Variants in ELFN1 observed in about 807,000 individuals in gnomAD.
ELFN1 encodes the protein extracellular leucine rich repeat and fibronectin type III domain containing 1.
ELFN1 carries 6 observed loss-of-function variants against 7.6 expected under a neutral mutation model. The observed-to-expected ratio is 0.79, with a 90% CI of 0.43 to 1.56. The LOEUF is 1.56. Ranked by LOEUF, ELFN1 falls within the 40% of genes most tolerant of loss-of-function variation. The pLI is 0.01. For synonymous variants in ELFN1, 657 were observed against 588.1 expected (o/e 1.12, Z -1.70); for missense variants, 1,169 against 1,232.2 (o/e 0.95, Z 0.77).
intron 3 of ELFN1, among the ~76,000 whole-genome samples, chr7:1,738,189 T>A (rs1780504540): frequency 6.6e-6 from 1 of 152,098 alleles, no homozygotes; most frequent in Non-Finnish European, 1.5e-5. Flanking sequence ...CGTGGTCCCA[T>A]GTCCCATGGC....
intron 2 of ELFN1, among the ~76,000 whole-genome samples, chr7:1,703,903 C>T (rs1344898248): frequency 1.3e-5 from 2 of 152,132 alleles, no homozygotes; most frequent in Admixed American, 1.3e-4. Flanking sequence ...TAAGGGCTGT[C>T]GCCGGACTGT....
At chr7:1,669,135 C>T (rs2128571703), upstream of ELFN1, among the ~76,000 whole-genome samples, 1 of 152,388 alleles carries the variant, frequency 6.6e-6, no homozygotes, top group East Asian at 1.9e-4. Context: ...CGGGCTAGGC[C>T]GGTCCATACA....
chr7:1,728,294 C>G (rs1283279241), intron 3 of ELFN1, among the ~76,000 whole-genome samples: 1 of 152,262 alleles, frequency 6.6e-6, no homozygotes, highest in Non-Finnish European at 1.5e-5. Flanking sequence ...CCGGCCTGCA[C>G]CCTTCCCAGA....
At chr7:1,694,116 T>TCCAGCCAGGGTTCC (rs545182865) in intron 2 of ELFN1, 411 of 244,614 alleles carry the variant, frequency 1.7e-3, no homozygotes, top group Middle Eastern at 4.7e-3. Context: ...TTGAAGCAGC[T>TCCAGCCAGGGTTCC]CCAGCCAGGG....
chr7:1,741,252 C>A (rs545030125), intron 3 of ELFN1, among the ~76,000 whole-genome samples: 3 of 152,170 alleles, frequency 2.0e-5, no homozygotes, highest in African/African-American at 7.2e-5. Flanking sequence ...CCTGGCAGGG[C>A]GCTGGCCACA....
At chr7:1,700,321 C>T (rs904382798) in intron 2 of ELFN1, among the ~76,000 whole-genome samples, 6 of 152,210 alleles carry the variant, frequency 3.9e-5, no homozygotes, top group Non-Finnish European at 5.9e-5. Flanking sequence ...AGAATGCTGG[C>T]GGCCCTCAGA....
intron 3 of ELFN1, among the ~76,000 whole-genome samples, chr7:1,725,827 T>A (rs1429817293): frequency 2.0e-5 from 3 of 151,746 alleles, no homozygotes; most frequent in Non-Finnish European, 4.4e-5. Context: ...AAAGTCACAC[T>A]CAGACACACA....
chr7:1,674,646 C>T (rs993238275), intron 1 of ELFN1, among the ~76,000 whole-genome samples: 12 of 152,112 alleles, frequency 7.9e-5, no homozygotes, highest in Admixed American at 1.3e-4. Context: ...CCCCCGCCCT[C>T]GACGTCTGCC....
intron 3 of ELFN1, among the ~76,000 whole-genome samples, chr7:1,715,413 C>T (rs1054565352): frequency 1.3e-5 from 2 of 152,194 alleles, no homozygotes; most frequent in Admixed American, 1.3e-4. Flanking sequence ...GCACCCCCTG[C>T]CTCCATCCTG....
intron 1 of ELFN1, among the ~76,000 whole-genome samples, chr7:1,672,736 C>G (rs528830811): frequency 2.0e-5 from 3 of 152,150 alleles, no homozygotes; most frequent in Non-Finnish European, 4.4e-5. Context: ...CCCTTCCCCC[C>G]CGACAAGCCA....
At chr7:1,744,018 GC>G (rs1780703047) in intron 3 of ELFN1, among the ~76,000 whole-genome samples, 1 of 152,194 alleles carries the variant, frequency 6.6e-6, no homozygotes, top group African/African-American at 2.4e-5. Flanking sequence ...AGCAGGCAGT[GC>G]CCCGTCCATT....
At position 1,744,539 on chromosome 7, in the gene ELFN1, GC is replaced by G. The variant is rs1458475866; in HGVS notation, c.-52del. 4.2e-6 allele frequency: 6 copies of G among 1,433,516 alleles called. No homozygotes were observed. Among genetic ancestry groups the G allele is most frequent in the African/African-American group, 2.9e-5 (2 of 68,270 alleles). The allele number at this position is 1,433,516 out of a possible 1,614,324, so 88.8% of individuals were successfully genotyped here. A position where few individuals can be genotyped will look rare whatever the true frequency, so the allele number is the denominator to read the frequency against. ...CCATCCCTCTGGGGGCTGGCGCCTGGCCCCCCACCTGGTCCCCCTGGGCAGG... is the reference window on the plus strand; with the variant it reads ...CCATCCCTCTGGGGGCTGGCGCCTGGCCCCCACCTGGTCCCCCTGGGCAGG... On this transcript the variant is annotated 5_prime_UTR_variant, in exon 4 of 4. Transcript: ENST00000424383.
At chr7:1,678,169 A>G (rs556551169) in intron 1 of ELFN1, among the ~76,000 whole-genome samples, 1 of 152,102 alleles carries the variant, frequency 6.6e-6, no homozygotes, top group Non-Finnish European at 1.5e-5. Context: ...CACCATGCAC[A>G]GTGTGTGTGC....
chr7:1,702,321 G>A (rs543031545), intron 2 of ELFN1, among the ~76,000 whole-genome samples: 71 of 152,168 alleles, frequency 4.7e-4, no homozygotes, highest in African/African-American at 1.6e-3. Context: ...CTACTTGGGA[G>A]GCTGAGGCAG....
At chr7:1,717,457 G>C (rs897811440) in intron 3 of ELFN1, among the ~76,000 whole-genome samples, 1 of 152,218 alleles carries the variant, frequency 6.6e-6, no homozygotes, top group African/African-American at 2.4e-5. Flanking sequence ...GGTGGAGGTA[G>C]GCAGTGTGTC....
rs1229775528 is a variant in ELFN1 at position 1,744,373 on chromosome 7, G to A, written c.-224G>A. On this transcript the variant is annotated 5_prime_UTR_variant, in exon 4 of 4. Coordinates refer to ENST00000424383, the MANE Select transcript of ELFN1 (RefSeq NM_001128636.4). The stretch of plus-strand genomic sequence containing the variant: ...CCAGGCCCATGGGGCAGGAGGCCTC[G>A]GTCACCACAGGACTGGGGCGGAAGA... 2.1e-5 allele frequency: 11 copies of A among 516,938 alleles called. No individual in the cohort carries two copies. The highest frequency in any genetic ancestry group is 1.6e-4 in the Admixed American group (4 of 25,382). The allele number at this position is 516,938 out of a possible 1,614,324, so 32.0% of individuals were successfully genotyped here.
intron 1 of ELFN1, among the ~76,000 whole-genome samples, chr7:1,683,577 G>C (rs1779011991): frequency 6.6e-6 from 1 of 152,204 alleles, no homozygotes; most frequent in Non-Finnish European, 1.5e-5. Context: ...TAATATTCAA[G>C]TCTTCTCTGT....
intron 3 of ELFN1, among the ~76,000 whole-genome samples, chr7:1,725,236 G>T (rs1006667364): frequency 6.6e-6 from 1 of 152,242 alleles, no homozygotes; most frequent in Non-Finnish European, 1.5e-5. Flanking sequence ...AGGGAAGAAG[G>T]AACCCAGGGA....
At chr7:1,667,967 G>GT (rs1363249898), upstream of ELFN1, among the ~76,000 whole-genome samples, 1 of 129,928 alleles carries the variant, frequency 7.7e-6, no homozygotes, top group Non-Finnish European at 1.7e-5. The surrounding 1 kb of genome is among the most constrained non-coding windows in gnomAD (Gnocchi z 8.2). Context: ...GCTCGGGGTG[G>GT]GGGGGGGGGG....
Sources: gnomAD v4.1 joint callset for allele counts (sites outside exome capture counted in the v4.1 genomes callset) on GRCh38, gnomAD v4.1.1 for gene constraint, Gnocchi (gnomAD v3.1) non-coding constraint, MANE v1.5 for transcripts, NCBI Gene and HGNC (gene_info 2026-07-23, HGNC 2026-07-21) for gene names.